The following RIMS1 variants were observed in gnomAD, a reference collection of about 807,000 sequenced individuals.
RIMS1 encodes regulating synaptic membrane exocytosis 1.
In RIMS1, 83 loss-of-function variants were observed where a neutral mutation model predicts 214.1. The ratio of observed to expected loss-of-function variants is 0.39; its 90% CI spans 0.32 to 0.47. The LOEUF (loss-of-function observed/expected upper bound fraction) is 0.47. Among genes scored for constraint, RIMS1 ranks in the 20% least tolerant of loss-of-function variants. The pLI, the probability that RIMS1 is intolerant of heterozygous loss-of-function variation, is 0.99. For missense variants in RIMS1, 2,050 were observed against 2,161.8 expected, an observed-to-expected ratio of 0.95 and a Z score of 1.03; for synonymous variants, 793 against 786.8, an observed-to-expected ratio of 1.01 and a Z score of -0.13.
At position 72,237,465 on chromosome 6, in the gene RIMS1, G is replaced by A. The variant is rs576552548; in HGVS notation, c.1858-358G>A. Among the ~76,000 whole-genome samples, 16 of 152,000 alleles carry A rather than the reference G, an allele frequency of 1.1e-4. No homozygotes were observed. The South Asian group carries it at 2.3e-3, about 22-fold the overall frequency. On this transcript the variant is annotated intron_variant, in intron 8 of 33. Coordinates refer to ENST00000521978, the MANE Select transcript of RIMS1 (RefSeq NM_014989.7). ...CGAGGCAGGAGGACTGCTTGAGCCC[G>A]GGAGTTCAAGATCAGTCTGGGCAAC...
intron 2 of RIMS1, among the ~76,000 whole-genome samples, chr6:72,071,407 A>G (rs1830556752): frequency 6.6e-6 from 1 of 152,178 alleles, no homozygotes; most frequent in South Asian, 2.1e-4. Flanking sequence ...TTATCTTTAA[A>G]AAACAAAGAA....
At chr6:72,008,429 A>C (rs1021895777) in intron 2 of RIMS1, among the ~76,000 whole-genome samples, 1 of 152,180 alleles carries the variant, frequency 6.6e-6, no homozygotes, top group South Asian at 2.1e-4. Flanking sequence ...CGAGCAAAAT[A>C]ACCAGCTAAC....
At chr6:71,913,253 A>G (rs2150627940) in intron 1 of RIMS1, among the ~76,000 whole-genome samples, 1 of 152,316 alleles carries the variant, frequency 6.6e-6, no homozygotes, top group East Asian at 1.9e-4. Context: ...CTTATTAAAA[A>G]AGTTCCAGGG....
intron 2 of RIMS1, among the ~76,000 whole-genome samples, chr6:72,088,415 A>AT (rs1350061510): frequency 1.3e-5 from 2 of 151,414 alleles, no homozygotes; most frequent in African/African-American, 2.4e-5. Context: ...CACCCAGCTA[A>AT]TTTTTTGTAA....
chr6:71,898,933 TTC>T (rs1374573797), intron 1 of RIMS1, among the ~76,000 whole-genome samples: 2 of 152,146 alleles, frequency 1.3e-5, no homozygotes, highest in African/African-American at 2.4e-5. Context: ...TTTTTTTCAT[TTC>T]TGTTTTTATT....
At chr6:72,351,152 C>G (rs2154369964) in intron 29 of RIMS1, among the ~76,000 whole-genome samples, 1 of 151,378 alleles carries the variant, frequency 6.6e-6, no homozygotes, top group Admixed American at 6.6e-5. Flanking sequence ...TTGCATTTAT[C>G]TTATTTATTC....
chr6:72,057,324 C>T (rs1051794056), intron 2 of RIMS1, among the ~76,000 whole-genome samples: 7 of 152,204 alleles, frequency 4.6e-5, no homozygotes, highest in South Asian at 2.1e-4. Flanking sequence ...GATGCTACCA[C>T]GCCAACAAAA....
At chr6:72,235,348 T>G (rs2063588803) in intron 7 of RIMS1, among the ~76,000 whole-genome samples, 1 of 152,032 alleles carries the variant, frequency 6.6e-6, no homozygotes, top group African/African-American at 2.4e-5. Flanking sequence ...TCCCTACCCT[T>G]TCCTTCTCCC....
intron 6 of RIMS1, among the ~76,000 whole-genome samples, chr6:72,232,004 G>A (rs913215534): frequency 6.6e-5 from 10 of 151,584 alleles, no homozygotes; most frequent in African/African-American, 2.2e-4. Context: ...AGGTTATTGA[G>A]GGATACAATA....
At chr6:71,919,043 T>C (rs1194283273) in intron 1 of RIMS1, among the ~76,000 whole-genome samples, 1 of 152,036 alleles carries the variant, frequency 6.6e-6, no homozygotes, top group Non-Finnish European at 1.5e-5. Flanking sequence ...AAGAACAACG[T>C]AGTTAGATGT....
chr6:72,099,403 T>C (rs2032949042), intron 3 of RIMS1, among the ~76,000 whole-genome samples: 1 of 152,162 alleles, frequency 6.6e-6, no homozygotes, highest in Admixed American at 6.6e-5. Context: ...AAAAACATTG[T>C]ATAAAGTTGT....
At chr6:72,251,476 T>C in intron 15 of RIMS1, 108 bp downstream of exon 15, 2 of 910,626 alleles carry the variant, frequency 2.2e-6, no homozygotes, top group Non-Finnish European at 3.2e-6. Context: ...GAGATCAAAA[T>C]ACTGGAAAAT....
intron 26 of RIMS1, among the ~76,000 whole-genome samples, chr6:72,305,755 G>A (rs149914506): frequency 1.6e-4 from 24 of 152,088 alleles, no homozygotes; most frequent in African/African-American, 5.5e-4. Flanking sequence ...TCCTGTAATG[G>A]TAATAATAGT....
chr6:72,005,697 C>T (rs1807254700), intron 2 of RIMS1, among the ~76,000 whole-genome samples: 1 of 152,156 alleles, frequency 6.6e-6, no homozygotes, highest in Non-Finnish European at 1.5e-5. Flanking sequence ...CTGTTTTTAA[C>T]AGTATTTGCT....
chr6:72,311,997 A>C (rs559605581), intron 27 of RIMS1, among the ~76,000 whole-genome samples: 1 of 152,294 alleles, frequency 6.6e-6, no homozygotes, highest in African/African-American at 2.4e-5. Flanking sequence ...ACTCACATTT[A>C]ATGTTTCAGT....
At chr6:72,147,302 A>G (rs780694508) in intron 4 of RIMS1, among the ~76,000 whole-genome samples, 10 of 152,216 alleles carry the variant, frequency 6.6e-5, no homozygotes, top group Non-Finnish European at 1.2e-4. Context: ...AACTACACAG[A>G]GAGACAGAAA....
At chr6:72,248,297 A>G (rs1490619819) in intron 12 of RIMS1, among the ~76,000 whole-genome samples, 170 bp downstream of exon 12, 2 of 152,132 alleles carry the variant, frequency 1.3e-5, no homozygotes, top group Admixed American at 6.6e-5. Context: ...CTTTATTCAC[A>G]TATTTATTCA....
intron 6 of RIMS1, among the ~76,000 whole-genome samples, chr6:72,196,384 TATCTATCTATC>T (rs2050914548): frequency 9.6e-5 from 8 of 83,464 alleles, no homozygotes; most frequent in Admixed American, 9.5e-4. Flanking sequence ...TCTGTCTATC[TATCTATCTATC>T]TATCTATCTA....
At chr6:72,286,089 C>T (rs542316373) in intron 24 of RIMS1, among the ~76,000 whole-genome samples, 2 of 151,626 alleles carry the variant, frequency 1.3e-5, no homozygotes, top group Non-Finnish European at 1.5e-5. Context: ...CCCAGCTACT[C>T]GGGAGGCTGA....
Sources: gnomAD v4.1 joint callset for allele counts (sites outside exome capture counted in the v4.1 genomes callset) on GRCh38, gnomAD v4.1.1 for gene constraint, MANE v1.5 for transcripts, NCBI Gene and HGNC (gene_info 2026-07-23, HGNC 2026-07-21) for gene names.